Variants in PODXL observed in about 807,000 individuals in gnomAD.
PODXL encodes the protein podocalyxin.
Under a neutral mutation model 48.9 loss-of-function variants are expected in PODXL, and 20 were observed. The ratio of observed to expected loss-of-function variants is 0.41; its 90% CI spans 0.29 to 0.59. The LOEUF (loss-of-function observed/expected upper bound fraction) is 0.59. PODXL is among the 20% of genes least tolerant of loss of function. The pLI is 0.31. For missense variants in PODXL, 606 were observed against 675.1 expected (o/e 0.90, Z 1.13); for synonymous variants, 295 against 287.4 (o/e 1.03, Z -0.27).
intron 1 of PODXL, among the ~76,000 whole-genome samples, chr7:131,528,998 G>A (rs1342015482): frequency 6.6e-6 from 1 of 152,098 alleles, no homozygotes; most frequent in African/African-American, 2.4e-5. Context: ...ATACAAGGAG[G>A]AAATGCTGAG....
chr7:131,544,157 C>T (rs1455724219), intron 1 of PODXL, among the ~76,000 whole-genome samples: 1 of 152,192 alleles, frequency 6.6e-6, no homozygotes, highest in Non-Finnish European at 1.5e-5. Context: ...GCTCAACACC[C>T]AACTCAGATG....
At chr7:131,553,067 G>A (rs1037025771) in intron 1 of PODXL, among the ~76,000 whole-genome samples, 5 of 152,126 alleles carry the variant, frequency 3.3e-5, no homozygotes, top group South Asian at 4.2e-4. Context: ...GATTCCAGGC[G>A]TGAGCAGCCA....
chr7:131,526,686 A>G (rs1028245019), intron 1 of PODXL, among the ~76,000 whole-genome samples: 3 of 151,156 alleles, frequency 2.0e-5, no homozygotes, highest in African/African-American at 7.3e-5. Context: ...GTGTGGCATT[A>G]TCAAAGAAAG....
intron 1 of PODXL, among the ~76,000 whole-genome samples, chr7:131,529,383 T>G (rs1406128736): frequency 1.3e-5 from 2 of 152,122 alleles, no homozygotes; most frequent in Non-Finnish European, 2.9e-5. Flanking sequence ...GGAAGCCTGC[T>G]TCAATCTTCA....
chr7:131,554,467 T>C (rs1001691291), intron 1 of PODXL, among the ~76,000 whole-genome samples: 6 of 152,232 alleles, frequency 3.9e-5, no homozygotes, highest in African/African-American at 1.4e-4. Context: ...CATTTTTGTT[T>C]GCCACATACC....
intron 1 of PODXL, among the ~76,000 whole-genome samples, chr7:131,544,101 G>A (rs369601620): frequency 6.6e-6 from 1 of 152,214 alleles, no homozygotes; most frequent in Non-Finnish European, 1.5e-5. Flanking sequence ...ACTGGGTTGT[G>A]AGTGTCTGGA....
At chr7:131,527,338 G>A (rs879322474) in intron 1 of PODXL, among the ~76,000 whole-genome samples, 1 of 152,116 alleles carries the variant, frequency 6.6e-6, no homozygotes, top group African/African-American at 2.4e-5. Context: ...ACACTCATAC[G>A]GTTCTACTTA....
chr7:131,528,694 T>G (rs1584821406), intron 1 of PODXL, among the ~76,000 whole-genome samples: 2 of 152,226 alleles, frequency 1.3e-5, no homozygotes, highest in Admixed American at 6.5e-5. Context: ...CAGATTTTAC[T>G]GTAGCGATGT....
At chr7:131,551,310 C>T (rs1798664110) in intron 1 of PODXL, among the ~76,000 whole-genome samples, 1 of 152,170 alleles carries the variant, frequency 6.6e-6, no homozygotes. Context: ...ACCCCACCAG[C>T]TGAGCTCCCT....
At chr7:131,517,471 TCA>T (rs1798018553) in intron 1 of PODXL, among the ~76,000 whole-genome samples, 1 of 152,202 alleles carries the variant, frequency 6.6e-6, no homozygotes, top group Admixed American at 6.5e-5. Context: ...CTCGATGTTT[TCA>T]CAGACTCAGC....
Position 131,506,031 on chromosome 7 carries a change from C to A in PODXL, c.1316G>T (p.Gly439Val), listed in dbSNP as rs757637956. ...GTCCCCTAGCTTCATGTCACTGACCCCTGCCTGCATGGGAAGTGGCAGAGA... is the reference window on the plus strand; with the variant it reads ...GTCCCCTAGCTTCATGTCACTGACCACTGCCTGCATGGGAAGTGGCAGAGA... ...KDKWDELKEA[G>V]VSDMKLGDQG... The change falls in exon 8 of 9, where the codon GGG becomes GTG. Residue 439 changes from glycine to valine, a missense_variant. Gly to Val is a moderately radical substitution (Grantham distance 109, BLOSUM62 -3). Coordinates refer to ENST00000378555, the MANE Select transcript of PODXL (RefSeq NM_001018111.3). 1 of 1,610,668 alleles carries A rather than the reference C, an allele frequency of 6.2e-7. No homozygotes were observed. Among genetic ancestry groups the A allele is most frequent in the Non-Finnish European group, 8.5e-7 (1 of 1,178,444 alleles).
chr7:131,531,061 A>G (rs1466267524), intron 1 of PODXL, among the ~76,000 whole-genome samples: 1 of 152,128 alleles, frequency 6.6e-6, no homozygotes, highest in African/African-American at 2.4e-5. Flanking sequence ...TCCGTCTCAA[A>G]AAAAAAATTA....
intron 1 of PODXL, among the ~76,000 whole-genome samples, chr7:131,533,090 G>C (rs1228356791): frequency 2.6e-5 from 4 of 152,212 alleles, no homozygotes; most frequent in Non-Finnish European, 2.9e-5. Context: ...ACAGCAGGAA[G>C]GGCTGCTCCA....
In PODXL at chr7:131,506,379, G is replaced by A. The variant is rs959635534; in HGVS notation, c.1250-58C>T. ...AGCCCAGAGCGAGGCAGTGGGGGAC[G>A]GGGACTGCGCCCCAAGAGAGGGACG... On this transcript the variant is annotated intron_variant, in intron 6 of 8. Transcript: ENST00000378555. 91 of 1,564,180 alleles carry A rather than the reference G, an allele frequency of 5.8e-5. No homozygotes were observed. In the South Asian group the frequency reaches 7.3e-4, roughly 13 times the overall value.
At chr7:131,514,452 A>AG (rs1797962086) in intron 1 of PODXL, among the ~76,000 whole-genome samples, 1 of 151,808 alleles carries the variant, frequency 6.6e-6, no homozygotes, top group South Asian at 2.1e-4. Context: ...GTGCAATGTG[A>AG]GGGTTTGACA....
rs773587909 is a variant in PODXL, at chr7:131,511,049, C to A, written c.485G>T (p.Ser162Ile). ...AEDTTNSGGKSSHSVTTDLTS... is the reference protein window; with the variant it reads ...AEDTTNSGGKISHSVTTDLTS... ...GAGGTCTGTGGTCACACTGTGGCTG[C>A]TTTTCCCCCCAGAGTTTGTTGTATC... Residue 162 changes from serine (S) to isoleucine (I), a missense_variant, in exon 2 of 9, where the codon AGC becomes ATC. By Grantham distance (142) the Ser-to-Ile change is moderately radical. Transcript: ENST00000378555. 5 of 1,613,910 alleles carry A rather than the reference C, an allele frequency of 3.1e-6. No individual in the cohort carries two copies. The South Asian group carries it at 3.3e-5, about 11-fold the overall frequency.
chr7:131,551,830 G>A (rs750954452), intron 1 of PODXL, among the ~76,000 whole-genome samples: 4 of 151,964 alleles, frequency 2.6e-5, no homozygotes, highest in Non-Finnish European at 4.4e-5. Context: ...CTAGCTATTC[G>A]GGAGGCTGAG....
rs1797708179 is a variant in PODXL, at chr7:131,501,821, C to CTGTT, written c.*2486_*2489dup. 6.6e-6 allele frequency: 1 copy of CTGTT among 152,258 alleles called. No individual in the cohort carries two copies. The highest frequency in any genetic ancestry group is 2.1e-4 in the South Asian group (1 of 4,834). The allele number at this position is 152,258 out of a possible 1,614,324, so 9.4% of individuals were successfully genotyped here. On this transcript the variant is annotated 3_prime_UTR_variant, in exon 9 of 9. Transcript: ENST00000378555. ...GATGATGACCTTTATAGATGCATGG[C>CTGTT]TGTTTGGCCTGTTGACATAGGTGTC...
chr7:131,545,379 G>T (rs1230025188), intron 1 of PODXL, among the ~76,000 whole-genome samples: 1 of 152,196 alleles, frequency 6.6e-6, no homozygotes, highest in Admixed American at 6.5e-5. Context: ...TGAGTGTGTT[G>T]TTATAGCTAA....
Sources: allele counts gnomAD v4.1 joint callset (sites outside exome capture counted in the v4.1 genomes callset), GRCh38; gene constraint gnomAD v4.1.1; transcripts MANE v1.5; gene names NCBI Gene and HGNC (gene_info 2026-07-23, HGNC 2026-07-21).